KCNH7: variants seen among roughly 807,000 people sequenced by gnomAD.
KCNH7 encodes the protein potassium voltage-gated channel subfamily H member 7, also known as voltage-gated inwardly rectifying potassium channel KCNH7.
Under a neutral mutation model 120.8 loss-of-function variants are expected in KCNH7, and 49 were observed. That is an observed-to-expected ratio of 0.41 (90% CI 0.32 to 0.51). The LOEUF (loss-of-function observed/expected upper bound fraction) is 0.51, where lower values mean the gene tolerates loss of function less well. Among genes scored for constraint, KCNH7 ranks in the 20% least tolerant of loss-of-function variants. KCNH7 has a pLI of 0.38. For synonymous variants in KCNH7, 547 were observed against 516.1 expected, an observed-to-expected ratio of 1.06 and a Z score of -0.81; for missense variants, 1,097 against 1,446.6, an observed-to-expected ratio of 0.76 and a Z score of 3.92.
chr2:162,461,948 T>C (rs753625372), intron 6 of KCNH7, among the ~76,000 whole-genome samples: 2 of 152,186 alleles, frequency 1.3e-5, no homozygotes, highest in Non-Finnish European at 2.9e-5. Flanking sequence ...AAATGGTATT[T>C]CTTTAAAATA....
intron 8 of KCNH7, among the ~76,000 whole-genome samples, chr2:162,430,675 C>A (rs977957403): frequency 4.6e-5 from 7 of 151,804 alleles, no homozygotes; most frequent in Admixed American, 1.3e-4. Flanking sequence ...GTTCAGTTTT[C>A]TGTATGTTTT....
intron 8 of KCNH7, among the ~76,000 whole-genome samples, chr2:162,425,278 T>G (rs944275314): frequency 4.6e-5 from 7 of 152,102 alleles, no homozygotes; most frequent in African/African-American, 1.7e-4. Context: ...TTTATCTATA[T>G]TCAAACATAT....
rs1686362525 is a variant in KCNH7 at position 162,380,105 on chromosome 2, G to A, written c.2963-84C>T. ...TCATAGATATCCACAAGACAAGCTG[G>A]AAAGGATCGGAGTATAACCTGAGAG... On this transcript the variant is annotated intron_variant, in intron 13 of 15. Coordinates refer to ENST00000332142, the MANE Select transcript of KCNH7 (RefSeq NM_033272.4). 3.7e-5 allele frequency: 55 copies of A among 1,490,200 alleles called. 2 individuals are homozygous for A. In the South Asian group the frequency reaches 6.2e-4, roughly 17 times the overall value. 92.3% of individuals were successfully genotyped at this position (1,490,200 alleles called of 1,614,324 possible). A position where few individuals can be genotyped will look rare whatever the true frequency, so the allele number is the denominator to read the frequency against.
intron 2 of KCNH7, among the ~76,000 whole-genome samples, chr2:162,582,265 A>T (rs1201533114): frequency 6.6e-6 from 1 of 152,086 alleles, no homozygotes; most frequent in Non-Finnish European, 1.5e-5. Context: ...ACAACCGGCT[A>T]TTCTTTCTTA....
intron 2 of KCNH7, among the ~76,000 whole-genome samples, chr2:162,807,368 C>T (rs1258534490): frequency 6.6e-6 from 1 of 150,684 alleles, no homozygotes; most frequent in African/African-American, 2.4e-5. Context: ...ACTCAGGAGG[C>T]GGAGGTTGCA....
At chr2:162,576,550 T>G (rs1693676598) in intron 2 of KCNH7, among the ~76,000 whole-genome samples, 1 of 152,062 alleles carries the variant, frequency 6.6e-6, no homozygotes, top group East Asian at 1.9e-4. Flanking sequence ...AATCTTAACA[T>G]TTGCTCTCAT....
At chr2:162,598,756 G>T (rs74350604) in intron 2 of KCNH7, among the ~76,000 whole-genome samples, 5 of 151,990 alleles carry the variant, frequency 3.3e-5, no homozygotes, top group African/African-American at 2.4e-5. Context: ...AGTATAAAAG[G>T]TTTCACCCAA....
At chr2:162,471,531 G>C (rs1479042001) in intron 6 of KCNH7, among the ~76,000 whole-genome samples, 1 of 152,170 alleles carries the variant, frequency 6.6e-6, no homozygotes, top group Non-Finnish European at 1.5e-5. Context: ...GACCTTACAA[G>C]GGATGTGAAG....
intron 6 of KCNH7, among the ~76,000 whole-genome samples, chr2:162,471,318 A>G (rs1689519903): frequency 6.6e-6 from 1 of 151,744 alleles, no homozygotes; most frequent in Non-Finnish European, 1.5e-5. Context: ...AGGAATCTGA[A>G]TTTTAACAAG....
intron 2 of KCNH7, among the ~76,000 whole-genome samples, chr2:162,800,044 A>G (rs577997129): frequency 1.3e-5 from 2 of 151,914 alleles, no homozygotes; most frequent in Admixed American, 1.3e-4. Context: ...TATACATTTT[A>G]TCTTTTATAA....
At chr2:162,689,350 C>T (rs1411261009) in intron 2 of KCNH7, among the ~76,000 whole-genome samples, 1 of 151,968 alleles carries the variant, frequency 6.6e-6, no homozygotes, top group Admixed American at 6.6e-5. Context: ...TGGGGTTTCA[C>T]CATGTTGACT....
rs1687738291 is a variant in KCNH7 at position 162,731,744 on chromosome 2, G to T, written c.307+104793C>A. On this transcript the variant is annotated intron_variant, in intron 2 of 15. Transcript: ENST00000332142. ...TAGGGTTGCAGATACATCTGAAAAG[G>T]TTATAACTTTATAGAGGGCAGAGGA... Among the ~76,000 whole-genome samples, 4 of 152,008 alleles carry T rather than the reference G, an allele frequency of 2.6e-5. No individual in the cohort carries two copies. The South Asian group carries it at 8.3e-4, about 32-fold the overall frequency.
intron 2 of KCNH7, among the ~76,000 whole-genome samples, chr2:162,804,169 G>T (rs920359100): frequency 3.3e-5 from 5 of 151,708 alleles, no homozygotes; most frequent in Admixed American, 6.6e-5. Flanking sequence ...TTCTCCCTAA[G>T]AACAGAAACA....
intron 6 of KCNH7, among the ~76,000 whole-genome samples, chr2:162,493,731 C>T (rs911699944): frequency 1.3e-5 from 2 of 152,082 alleles, no homozygotes; most frequent in Non-Finnish European, 2.9e-5. Flanking sequence ...ATTGAGACTA[C>T]TGAAAATAGA....
intron 9 of KCNH7, among the ~76,000 whole-genome samples, chr2:162,401,401 A>T (rs1687060363): frequency 6.6e-6 from 1 of 151,958 alleles, no homozygotes; most frequent in Middle Eastern, 3.4e-3. Context: ...AGGTGGAGGA[A>T]TGGGGCATTA....
chr2:162,721,554 C>T (rs759237086), intron 2 of KCNH7, among the ~76,000 whole-genome samples: 31 of 152,158 alleles, frequency 2.0e-4, no homozygotes, highest in Admixed American at 1.2e-3. Flanking sequence ...ACGTTCAATA[C>T]GGAAGGTGAG....
chr2:162,491,679 C>A (rs1325304962), intron 6 of KCNH7, among the ~76,000 whole-genome samples: 1 of 152,110 alleles, frequency 6.6e-6, no homozygotes, highest in Non-Finnish European at 1.5e-5. Context: ...TGGCACCCTG[C>A]CGAGGTTGCC....
At chr2:162,700,949 G>A (rs1559088722) in intron 2 of KCNH7, among the ~76,000 whole-genome samples, 1 of 152,178 alleles carries the variant, frequency 6.6e-6, no homozygotes, top group Non-Finnish European at 1.5e-5. Context: ...TTGTTCTTTA[G>A]AGATGGAATT....
At chr2:162,686,782 T>C (rs1685907399) in intron 2 of KCNH7, among the ~76,000 whole-genome samples, 1 of 152,090 alleles carries the variant, frequency 6.6e-6, no homozygotes, top group Non-Finnish European at 1.5e-5. Flanking sequence ...CAGACAAACC[T>C]ACCAAGGTCA....
Sources: gnomAD v4.1 joint callset for allele counts (sites outside exome capture counted in the v4.1 genomes callset) on GRCh38, gnomAD v4.1.1 for gene constraint, MANE v1.5 for transcripts, NCBI Gene and HGNC (gene_info 2026-07-23, HGNC 2026-07-21) for gene names.